Variants in STAG2 observed in about 807,000 individuals in gnomAD.
The protein encoded by STAG2 is STAG2 cohesin complex component.
In STAG2, 14 loss-of-function variants were observed where a neutral mutation model predicts 108.1. That is an observed-to-expected ratio of 0.13 (90% confidence interval 0.09 to 0.20). STAG2 has a LOEUF of 0.20. Among genes scored for constraint, STAG2 ranks in the 10% least tolerant of loss-of-function variants. STAG2 has a pLI of 1.00. For synonymous variants in STAG2, 307 were observed against 302.7 expected, an observed-to-expected ratio of 1.01 and a Z score of -0.15; for missense variants, 440 against 940.9, an observed-to-expected ratio of 0.47 and a Z score of 6.96.
chrX:123,962,607 C>T (rs1292443077), intron 1 of STAG2, among the ~76,000 whole-genome samples: 1 of 111,413 alleles, frequency 9.0e-6, no homozygotes, highest in African/African-American at 3.3e-5. Flanking sequence ...ACCCCTCTTC[C>T]CTCTCCCTCC....
intron 1 of STAG2, among the ~76,000 whole-genome samples, chrX:124,015,664 C>T (rs774948699): frequency 8.9e-5 from 10 of 112,054 alleles, no homozygotes; most frequent in Non-Finnish European, 1.3e-4. Context: ...GGAGCCACCA[C>T]ACCCGGCCGA....
chrX:124,055,176 A>G (rs952142211), intron 13 of STAG2, among the ~76,000 whole-genome samples: 4 of 112,441 alleles, frequency 3.6e-5, no homozygotes, highest in African/African-American at 1.3e-4. Context: ...GAATTTTAAC[A>G]ATTTAGTTCT....
chrX:124,019,092 G>T (rs1315860598), intron 1 of STAG2, among the ~76,000 whole-genome samples: 9 of 86,020 alleles, frequency 1.0e-4, no homozygotes, highest in African/African-American at 4.3e-4. Flanking sequence ...ATGGAGTCTC[G>T]CTCTGTCACC....
rs1326241760 is a variant in STAG2, at chrX:124,061,655, G to A, written c.1535-116G>A. On this transcript the variant is annotated intron_variant, in intron 16 of 34. Coordinates refer to ENST00000371145, the MANE Select transcript of STAG2 (RefSeq NM_001042750.2). ...TAATGGGATTTTCTTTAGTACCTTA[G>A]GGCAGATTCTGTTTACAGGCAGAAG... 1.3e-5 allele frequency: 7 copies of A among 552,265 alleles called. No individual in the cohort carries two copies. In the East Asian group the frequency reaches 2.3e-4, roughly 18 times the overall value. The allele number at this position is 552,265 out of a possible 1,213,427, so 45.5% of individuals were successfully genotyped here.
At chrX:124,091,269 T>C (rs906945229) in intron 32 of STAG2, among the ~76,000 whole-genome samples, 1 of 111,674 alleles carries the variant, frequency 9.0e-6, no homozygotes, top group Non-Finnish European at 1.9e-5. Flanking sequence ...TTTCCCAACT[T>C]AGTTCAGGCC....
intron 1 of STAG2, among the ~76,000 whole-genome samples, chrX:123,964,445 G>A (rs930000837): frequency 1.3e-4 from 15 of 111,656 alleles, no homozygotes; most frequent in Admixed American, 4.8e-4. Flanking sequence ...TCATCAAGTT[G>A]GAGTTACAGT....
chrX:123,990,205 C>T (rs1042920538), intron 1 of STAG2, among the ~76,000 whole-genome samples: 3 of 111,844 alleles, frequency 2.7e-5, no homozygotes, highest in Non-Finnish European at 5.6e-5. Context: ...TAGAGGTTTT[C>T]CGTTGGCCAC....
At chrX:124,094,430 A>C (rs1330441634) in intron 33 of STAG2, among the ~76,000 whole-genome samples, 2 of 111,757 alleles carry the variant, frequency 1.8e-5, no homozygotes, top group East Asian at 5.6e-4. Flanking sequence ...TAATTTGACT[A>C]TGAAAATCAA....
At chrX:124,096,884 A>G (rs1301030908) in intron 34 of STAG2, among the ~76,000 whole-genome samples, 1 of 112,393 alleles carries the variant, frequency 8.9e-6, no homozygotes, top group African/African-American at 3.2e-5. Flanking sequence ...CATGTTTACT[A>G]ATAAGGCCAA....
intron 6 of STAG2, among the ~76,000 whole-genome samples, chrX:124,038,255 A>C (rs1273486104): frequency 9.0e-6 from 1 of 111,429 alleles, no homozygotes; most frequent in African/African-American, 3.3e-5. Flanking sequence ...AAAATTATGT[A>C]AGTTGGGGAG....
In STAG2 at chrX:124,081,419, G is replaced by A. The variant is rs1474333835; in HGVS notation, c.2815G>A (p.Asp939Asn). Reference protein sequence around the residue: ...EMIQENGYNFDRSSSTFSGIK... With the variant: ...EMIQENGYNFNRSSSTFSGIK... ...GATACAAGAAAATGGCTATAATTTT[G>A]ATAGATCATCCTCTACATTTAGTGG... The change falls in exon 28 of 35, where the codon GAT becomes AAT. Residue 939 changes from aspartate (D) to asparagine (N), a missense_variant. By Grantham distance (23) the Asp-to-Asn change is conservative (BLOSUM62 1). Around this residue, in one of 3 missense-constraint regions of STAG2, gnomAD observed 337 missense variants for 649.3 expected, o/e 0.52. Transcript: ENST00000371145. 4.3e-6 allele frequency: 5 copies of A among 1,166,109 alleles called. No homozygotes were observed. The highest frequency in any genetic ancestry group is 3.5e-6 in the Non-Finnish European group (3 of 869,398).
In STAG2 at chrX:124,101,992, A is replaced by G. The variant is rs756055583; in HGVS notation, c.*1395A>G. On this transcript the variant is annotated 3_prime_UTR_variant, in exon 35 of 35. Transcript: ENST00000371145. ...TCAGTTCTTGAGGTATATTATTTTA[A>G]TCATTCCATGCCTTAATATGCTTGC... The G allele has an allele frequency of 1.3e-5, 2 of 159,830 alleles. No individual in the cohort carries two copies. The highest frequency in any genetic ancestry group is 2.4e-5 in the Non-Finnish European group (2 of 82,102). The allele number at this position is 159,830 out of a possible 1,213,427, so 13.2% of individuals were successfully genotyped here.
At chrX:123,987,777 G>A (rs2055268993) in intron 1 of STAG2, among the ~76,000 whole-genome samples, 1 of 111,877 alleles carries the variant, frequency 8.9e-6, no homozygotes, top group African/African-American at 3.2e-5. Context: ...TACATAGGAA[G>A]CGTTGTTAGT....
chrX:123,975,235 G>C (rs1259530889), intron 1 of STAG2, among the ~76,000 whole-genome samples: 1 of 110,427 alleles, frequency 9.1e-6, no homozygotes, highest in Non-Finnish European at 1.9e-5. Flanking sequence ...AAAAGAAGAA[G>C]ATAAAATGTA....
intron 1 of STAG2, among the ~76,000 whole-genome samples, chrX:123,971,389 C>T (rs2054347112): frequency 8.9e-6 from 1 of 112,166 alleles, no homozygotes; most frequent in African/African-American, 3.2e-5. Context: ...GATTGCGTCA[C>T]TGCACTCCAG....
At chrX:124,084,479 C>T (rs1205477142) in intron 29 of STAG2, among the ~76,000 whole-genome samples, 4 of 110,531 alleles carry the variant, frequency 3.6e-5, no homozygotes, top group South Asian at 3.9e-4. Flanking sequence ...CCACCATGCC[C>T]GGCTAATTTT....
In STAG2 at chrX:124,022,573, C is replaced by T. The variant is rs897138346; in HGVS notation, c.-55C>T. ...AGAAGGCAAGCCACCATTTTACCCA[C>T]GTAAATATATGAATATATTTCTGAC... is the stretch of plus-strand genomic sequence containing the variant. On this transcript the variant is annotated 5_prime_UTR_variant, in exon 3 of 35. In the 5' UTR this introduces an upstream ATG that the reference lacks. Transcript: ENST00000371145. The T allele has an allele frequency of 2.7e-4, 273 of 1,023,201 alleles. 1 individual carries two copies. The highest frequency in any genetic ancestry group is 1.2e-4 in the African/African-American group (6 of 51,274). The allele number at this position is 1,023,201 out of a possible 1,213,427, so 84.3% of individuals were successfully genotyped here.
chrX:123,967,901 C>G (rs1314976263), intron 1 of STAG2, among the ~76,000 whole-genome samples: 1 of 109,451 alleles, frequency 9.1e-6, no homozygotes, highest in Non-Finnish European at 1.9e-5. Flanking sequence ...TATGGGACCA[C>G]TGTCTTTTTT....
intron 24 of STAG2, among the ~76,000 whole-genome samples, chrX:124,070,559 A>G (rs967377268): frequency 2.7e-5 from 3 of 112,231 alleles, no homozygotes; most frequent in Non-Finnish European, 5.6e-5. Flanking sequence ...TATGTTTATT[A>G]TAATATGTTC....
Sources: gnomAD v4.1 joint callset for allele counts (sites outside exome capture counted in the v4.1 genomes callset) on GRCh38, gnomAD v4.1.1 for gene constraint, gnomAD v4.1.1 regional missense constraint, MANE v1.5 for transcripts, NCBI Gene and HGNC (gene_info 2026-07-23, HGNC 2026-07-21) for gene names.